Variants in XKR6 observed in about 807,000 individuals in gnomAD.
XKR6 encodes the protein XK-related protein 6.
Under a neutral mutation model 56.7 loss-of-function variants are expected in XKR6, and 22 were observed. The observed-to-expected ratio is 0.39, with a 90% CI of 0.28 to 0.55. The LOEUF is 0.55. XKR6 is among the 20% of genes least tolerant of loss of function. The probability of loss-of-function intolerance (pLI) is 0.66; values close to 1 mark genes in which losing one functional copy is unlikely to be tolerated. For synonymous variants in XKR6, 524 were observed against 387.8 expected (o/e 1.35, Z -4.13); for missense variants, 852 against 889.0 (o/e 0.96, Z 0.53).
At chr8:10,923,527 C>T (rs1424791975) in intron 2 of XKR6, among the ~76,000 whole-genome samples, 1 of 152,256 alleles carries the variant, frequency 6.6e-6, no homozygotes, top group Non-Finnish European at 1.5e-5. Flanking sequence ...CAGTCTTCCA[C>T]TGGCTTTTGA....
intron 1 of XKR6, among the ~76,000 whole-genome samples, chr8:10,995,480 T>C (rs1798089395): frequency 7.3e-6 from 1 of 137,604 alleles, no homozygotes; most frequent in South Asian, 2.3e-4. Context: ...TATAAAACCC[T>C]ATATCATATA....
At chr8:11,184,252 C>T (rs1803148043) in intron 1 of XKR6, among the ~76,000 whole-genome samples, 1 of 152,022 alleles carries the variant, frequency 6.6e-6, no homozygotes. Context: ...CAGATTTTGG[C>T]TTTTTAAGAA....
intron 1 of XKR6, among the ~76,000 whole-genome samples, chr8:11,030,294 C>A (rs1273488407): frequency 1.3e-5 from 2 of 152,194 alleles, no homozygotes; most frequent in African/African-American, 4.8e-5. Context: ...GGTCCCAAGG[C>A]CAGCCACAGA....
At chr8:11,124,032 T>C (rs1196838960) in intron 1 of XKR6, 1 of 456,070 alleles carries the variant, frequency 2.2e-6, no homozygotes, top group South Asian at 1.5e-5. Flanking sequence ...TCCCAAGCAA[T>C]CTCTAGGCCC....
At chr8:10,998,296 C>CA (rs1798161511) in intron 1 of XKR6, among the ~76,000 whole-genome samples, 1 of 152,240 alleles carries the variant, frequency 6.6e-6, no homozygotes, top group Middle Eastern at 3.4e-3. Context: ...CACACACACA[C>CA]ACACCTCTTA....
chr8:11,024,863 A>G (rs114315122), intron 1 of XKR6, among the ~76,000 whole-genome samples: 47 of 151,882 alleles, frequency 3.1e-4, no homozygotes, highest in African/African-American at 1.1e-3. Context: ...ATCCATCCCT[A>G]CTCCTCCCAG....
At chr8:11,121,639 G>T (rs188791000) in intron 1 of XKR6, among the ~76,000 whole-genome samples, 3 of 152,218 alleles carry the variant, frequency 2.0e-5, no homozygotes, top group Non-Finnish European at 4.4e-5. Context: ...ATTCCTCAGG[G>T]ATCTAGAACG....
intron 1 of XKR6, chr8:11,174,911 G>A (rs1178293515): frequency 6.6e-6 from 1 of 152,196 alleles, no homozygotes; most frequent in East Asian, 1.9e-4. Flanking sequence ...AAGTTCCACA[G>A]TAATTTAGAA....
chr8:11,150,135 G>C (rs1024595374), intron 1 of XKR6, among the ~76,000 whole-genome samples: 2 of 152,114 alleles, frequency 1.3e-5, no homozygotes, highest in African/African-American at 4.8e-5. Flanking sequence ...ACAAACACAC[G>C]GTTAGAAGGT....
intron 1 of XKR6, among the ~76,000 whole-genome samples, chr8:11,069,034 G>C (rs1034303405): frequency 6.6e-6 from 1 of 151,914 alleles, no homozygotes; most frequent in African/African-American, 2.4e-5. Flanking sequence ...ACTTACAAGA[G>C]TGATTACCGG....
At chr8:11,098,850 C>T (rs1259029094) in intron 1 of XKR6, among the ~76,000 whole-genome samples, 1 of 151,962 alleles carries the variant, frequency 6.6e-6, no homozygotes, top group African/African-American at 2.4e-5. Flanking sequence ...TGTTCTGTTT[C>T]AAAAGTTGGT....
chr8:10,969,463 A>C (rs1802333916), intron 1 of XKR6, among the ~76,000 whole-genome samples: 3 of 152,232 alleles, frequency 2.0e-5, no homozygotes, highest in Admixed American at 6.5e-5. Context: ...ACATATTAGT[A>C]GATACAAGAT....
chr8:11,152,762 A>T (rs1452668412), intron 1 of XKR6, among the ~76,000 whole-genome samples: 1 of 152,216 alleles, frequency 6.6e-6, no homozygotes, highest in African/African-American at 2.4e-5. Flanking sequence ...TTGTGGACAG[A>T]GTGTTTCTTT....
intron 1 of XKR6, among the ~76,000 whole-genome samples, chr8:11,093,275 G>A (rs1014513628): frequency 3.3e-5 from 5 of 152,184 alleles, no homozygotes; most frequent in Middle Eastern, 6.8e-3. Flanking sequence ...GGCTAGTGTC[G>A]AACTCCTGAC....
intron 1 of XKR6, among the ~76,000 whole-genome samples, chr8:11,192,831 C>T (rs1803655392): frequency 6.6e-6 from 1 of 152,140 alleles, no homozygotes; most frequent in Non-Finnish European, 1.5e-5. Context: ...GAGTCTCTGC[C>T]ACACTTGAAG....
intron 1 of XKR6, among the ~76,000 whole-genome samples, chr8:10,947,966 T>A (rs1586341352): frequency 1.3e-5 from 2 of 151,856 alleles, no homozygotes; most frequent in Admixed American, 6.6e-5. Context: ...AGGCCTGGGG[T>A]TGGGTAAGCA....
intron 1 of XKR6, among the ~76,000 whole-genome samples, chr8:11,166,937 T>C (rs1170248923): frequency 6.6e-6 from 1 of 152,084 alleles, no homozygotes; most frequent in African/African-American, 2.4e-5. Flanking sequence ...ATACCAAAAA[T>C]ACAACAGAAA....
chr8:11,026,578 T>C (rs1447460095), intron 1 of XKR6, among the ~76,000 whole-genome samples: 1 of 150,682 alleles, frequency 6.6e-6, no homozygotes, highest in Non-Finnish European at 1.5e-5. Context: ...TGGCGTTGCC[T>C]ACTACACACC....
At position 10,929,056 on chromosome 8, in the gene XKR6, G is replaced by C. The variant is rs868353751; in HGVS notation, c.765-4226C>G. Among the ~76,000 whole-genome samples, 6 of 152,168 alleles carry C rather than the reference G, an allele frequency of 3.9e-5. No individual in the cohort carries two copies. In the East Asian group the frequency reaches 1.2e-3, roughly 29 times the overall value. On this transcript the variant is annotated intron_variant, in intron 1 of 2. Transcript: ENST00000416569. Reference sequence around the variant, plus strand: ...CAGTCTTGAGCAAGTCACCTCCCATGGCTGGGCCCCGCTATTCCCATCACA... The same window carrying C: ...CAGTCTTGAGCAAGTCACCTCCCATCGCTGGGCCCCGCTATTCCCATCACA...
Sources: gnomAD v4.1 joint callset for allele counts (sites outside exome capture counted in the v4.1 genomes callset) on GRCh38, gnomAD v4.1.1 for gene constraint, MANE v1.5 for transcripts, NCBI Gene and HGNC (gene_info 2026-07-23, HGNC 2026-07-21) for gene names.